Variants in LRP1B observed in about 807,000 individuals in gnomAD.
The protein encoded by LRP1B is LDL receptor related protein 1B, also known as low-density lipoprotein receptor-related protein 1B.
In LRP1B, 217 loss-of-function variants were observed where a neutral mutation model predicts 556.6. The ratio of observed to expected loss-of-function variants is 0.39; its 90% confidence interval spans 0.35 to 0.44. The LOEUF (loss-of-function observed/expected upper bound fraction) is 0.44. LRP1B is among the 20% of genes least tolerant of loss of function. The pLI is 1.00. For synonymous variants in LRP1B, 2,047 were observed against 1,865.8 expected, an observed-to-expected ratio of 1.10 and a Z score of -2.50; for missense variants, 5,053 against 5,620.8, an observed-to-expected ratio of 0.90 and a Z score of 3.23.
At chr2:141,362,782 G>C (rs1246448054) in intron 3 of LRP1B, among the ~76,000 whole-genome samples, 1 of 147,990 alleles carries the variant, frequency 6.8e-6, no homozygotes, top group Non-Finnish European at 1.5e-5. Flanking sequence ...AAGAAAGAAA[G>C]CTTCTAAAAA....
intron 25 of LRP1B, among the ~76,000 whole-genome samples, chr2:140,872,313 A>G (rs1313974804): frequency 9.6e-5 from 14 of 145,534 alleles, no homozygotes; most frequent in Non-Finnish European, 1.0e-4. Context: ...TGAACAGACA[A>G]GTTCATCTCA....
At chr2:141,766,622 G>C (rs1574337360) in intron 2 of LRP1B, among the ~76,000 whole-genome samples, 1 of 152,276 alleles carries the variant, frequency 6.6e-6, no homozygotes, top group African/African-American at 2.4e-5. Context: ...AAAATGGAGA[G>C]AGGCAAATCA....
In LRP1B at chr2:141,808,449, A is replaced by T. The variant is rs559170761; in HGVS notation, c.205+1830T>A. ...GGGCTAAAGCTTAAAAAGAGTTGGG[A>T]TGTTGAAATACGGTCTCACTACTTG... is the stretch of plus-strand genomic sequence containing the variant. On this transcript the variant is annotated intron_variant, in intron 2 of 90. Transcript: ENST00000389484. Among the ~76,000 whole-genome samples the T allele has an allele frequency of 2.3e-4, 35 of 152,242 alleles. 1 individual carries two copies. Among genetic ancestry groups the T allele is most frequent in the Non-Finnish European group, 4.3e-4 (29 of 67,998 alleles).
intron 77 of LRP1B, among the ~76,000 whole-genome samples, chr2:140,342,838 AAAAG>A (rs1156375316): frequency 3.3e-5 from 5 of 151,630 alleles, no homozygotes; most frequent in Admixed American, 6.6e-5. Flanking sequence ...TAAAAGTATT[AAAAG>A]AAAGAATAGA....
chr2:140,950,841 A>C (rs1695693584), intron 19 of LRP1B, among the ~76,000 whole-genome samples: 1 of 151,372 alleles, frequency 6.6e-6, no homozygotes, highest in African/African-American at 2.4e-5. Flanking sequence ...TTTTTTTTGA[A>C]AAATGAATGA....
intron 2 of LRP1B, among the ~76,000 whole-genome samples, chr2:141,728,015 C>A (rs1045109636): frequency 6.6e-6 from 1 of 151,936 alleles, no homozygotes; most frequent in Non-Finnish European, 1.5e-5. Flanking sequence ...AAGGACAGTA[C>A]TTTTAGCGCT....
chr2:141,022,024 C>A (rs187688450), intron 11 of LRP1B, among the ~76,000 whole-genome samples: 1 of 151,632 alleles, frequency 6.6e-6, no homozygotes, highest in East Asian at 1.9e-4. Context: ...TTTTGTTTTT[C>A]ACCTTTAAAA....
chr2:141,024,232 A>G (rs2105403470), intron 11 of LRP1B, among the ~76,000 whole-genome samples: 1 of 152,068 alleles, frequency 6.6e-6, no homozygotes, highest in East Asian at 1.9e-4. Context: ...GACTAAAGAT[A>G]CCACCTGTCC....
chr2:141,957,346 A>G lies in LRP1B; in HGVS notation c.83-146945T>C, dbSNP rs151049446. 1.9e-3 allele frequency among the ~76,000 whole-genome samples: 221 copies of G among 113,454 alleles called. 2 individuals are homozygous for G. The highest frequency in any genetic ancestry group is 7.4e-3 in the African/African-American group (216 of 29,210). The allele number at this position is 113,454 out of a possible 152,430, so 74.4% of individuals were successfully genotyped here. ...AGGATCACTAAACCCAGAAAAACAG[A>G]TTAGCAAATAGTCTGGATGGTTCGT... On this transcript the variant is annotated intron_variant, in intron 1 of 90. Coordinates refer to ENST00000389484, the MANE Select transcript of LRP1B (RefSeq NM_018557.3).
chr2:141,339,967 C>G (rs1687998037), intron 3 of LRP1B, among the ~76,000 whole-genome samples: 1 of 152,090 alleles, frequency 6.6e-6, no homozygotes, highest in African/African-American at 2.4e-5. Context: ...CCAGGTGTCT[C>G]TCATTCTCCT....
At chr2:141,274,250 T>G (rs1291963671) in intron 3 of LRP1B, among the ~76,000 whole-genome samples, 1 of 152,178 alleles carries the variant, frequency 6.6e-6, no homozygotes, top group Non-Finnish European at 1.5e-5. Context: ...AAAACTTGTA[T>G]ATGAATATTC....
At chr2:141,490,928 ATGTTTTTT>A (rs1237749925) in intron 2 of LRP1B, among the ~76,000 whole-genome samples, 39 of 40,398 alleles carry the variant, frequency 9.7e-4, no homozygotes, top group South Asian at 3.0e-3. Flanking sequence ...CTAGGTTAAA[ATGTTTTTT>A]TTTTTTTTTT....
At chr2:141,033,191 C>T (rs1213432838) in intron 11 of LRP1B, among the ~76,000 whole-genome samples, 1 of 151,556 alleles carries the variant, frequency 6.6e-6, no homozygotes, top group East Asian at 2.0e-4. Context: ...AAAGAGTGTG[C>T]ACGAACAGTG....
chr2:140,529,357 G>A (rs1286562121), intron 47 of LRP1B, among the ~76,000 whole-genome samples: 1 of 149,836 alleles, frequency 6.7e-6, no homozygotes, highest in African/African-American at 2.5e-5. Context: ...TTCTTAGGAT[G>A]TTTCTTATAA....
At chr2:141,476,771 T>G (rs76289013) in intron 3 of LRP1B, among the ~76,000 whole-genome samples, 4,228 of 152,228 alleles carry the variant, frequency 0.028, 99 homozygotes, top group Non-Finnish European at 0.037. Flanking sequence ...ATTTTTTCCC[T>G]TATTAGTTTT....
intron 58 of LRP1B, among the ~76,000 whole-genome samples, chr2:140,485,846 T>TACACACACACACACACAC (rs10696198): frequency 1.4e-5 from 2 of 142,266 alleles, no homozygotes; most frequent in East Asian, 2.1e-4. Context: ...CTCACGCACA[T>TACACACACACACACACAC]ACACACACAC....
Position 140,456,606 on chromosome 2 carries a change from AAAGAT to A in LRP1B, c.9815-8_9815-4del. ...TATCATGCAGAGATGTTTGGAGACT[AAAGAT>A]AAGAAAGAAACAACAACAACAAAAC... is the stretch of plus-strand genomic sequence containing the variant. On this transcript the variant is annotated splice_region_variant and splice_polypyrimidine_tract_variant and intron_variant, in intron 61 of 90. Coordinates refer to ENST00000389484, the MANE Select transcript of LRP1B (RefSeq NM_018557.3). The A allele has an allele frequency of 6.2e-7, 1 of 1,605,326 alleles. No homozygotes were observed. Among genetic ancestry groups the A allele is most frequent in the Non-Finnish European group, 8.5e-7 (1 of 1,175,676 alleles).
chr2:140,288,255 G>A (rs1332995954), intron 84 of LRP1B, among the ~76,000 whole-genome samples: 1 of 151,216 alleles, frequency 6.6e-6, no homozygotes, highest in Non-Finnish European at 1.5e-5. Flanking sequence ...TAGCAGTATA[G>A]CTACAAAAGA....
chr2:140,341,535 ATAAG>A (rs1460911723), intron 77 of LRP1B, among the ~76,000 whole-genome samples: 1 of 151,524 alleles, frequency 6.6e-6, no homozygotes, highest in Non-Finnish European at 1.5e-5. Context: ...TAATAATAAT[ATAAG>A]TAGTGTCTTT....
Sources: gnomAD v4.1 joint callset for allele counts (sites outside exome capture counted in the v4.1 genomes callset) on GRCh38, gnomAD v4.1.1 for gene constraint, MANE v1.5 for transcripts, NCBI Gene and HGNC (gene_info 2026-07-23, HGNC 2026-07-21) for gene names.